TENT5D: variants seen among roughly 807,000 people sequenced by gnomAD.
The protein encoded by TENT5D is terminal nucleotidyltransferase 5D.
For synonymous variants in TENT5D, 103 were observed against 100.6 expected (o/e 1.02, Z -0.15); for missense variants, 191 against 287.0 (o/e 0.67, Z 2.42).
intron 2 of TENT5D, among the ~76,000 whole-genome samples, chrX:80,440,903 G>T (rs1394344206): frequency 2.7e-5 from 3 of 111,282 alleles, no homozygotes; most frequent in Non-Finnish European, 5.7e-5. Flanking sequence ...ATAACAAACT[G>T]TTAGCTTCTA....
intron 1 of TENT5D, among the ~76,000 whole-genome samples, chrX:80,425,541 G>A (rs1195992338): frequency 1.8e-5 from 2 of 112,127 alleles, no homozygotes; most frequent in Non-Finnish European, 3.8e-5. Context: ...ATTTTTTGAA[G>A]AGGATTAAAA....
intron 3 of TENT5D, among the ~76,000 whole-genome samples, chrX:80,360,722 A>T (rs1289839498): frequency 8.9e-6 from 1 of 111,850 alleles, no homozygotes; most frequent in Non-Finnish European, 1.9e-5. Flanking sequence ...GATTCTCTGG[A>T]TATTTGGGAT....
At chrX:80,427,500 T>C (rs1932008626) in intron 1 of TENT5D, among the ~76,000 whole-genome samples, 1 of 112,526 alleles carries the variant, frequency 8.9e-6, no homozygotes, top group Admixed American at 9.5e-5. Context: ...TAAAGTCACA[T>C]GAACTGAAAG....
At chrX:80,368,522 C>T (rs980312346) in intron 3 of TENT5D, among the ~76,000 whole-genome samples, 4 of 111,408 alleles carry the variant, frequency 3.6e-5, no homozygotes, top group African/African-American at 9.8e-5. Flanking sequence ...TCATAGTGCC[C>T]GGTGCCTCGT....
At chrX:80,344,565 A>G (rs1276602049) in intron 3 of TENT5D, among the ~76,000 whole-genome samples, 1 of 109,410 alleles carries the variant, frequency 9.1e-6, no homozygotes, top group Non-Finnish European at 1.9e-5. Context: ...GAAGATGAGC[A>G]TTTTTTTCTT....
chrX:80,403,009 A>G (rs1312397603), intron 3 of TENT5D, among the ~76,000 whole-genome samples: 1 of 111,763 alleles, frequency 8.9e-6, no homozygotes. Flanking sequence ...TTGCATTGCA[A>G]TCTGTCTCTC....
intron 1 of TENT5D, among the ~76,000 whole-genome samples, chrX:80,422,388 G>A (rs1016898531): frequency 9.8e-5 from 11 of 111,927 alleles, no homozygotes; most frequent in Non-Finnish European, 1.7e-4. Context: ...CAGGAGAATC[G>A]CTTGAACCTG....
rs926914644 is a variant in TENT5D, at chrX:80,392,443, T to A, written c.-141-46167T>A. Among the ~76,000 whole-genome samples the A allele has an allele frequency of 4.6e-5, 5 of 107,813 alleles. No individual in the cohort carries two copies. In the South Asian group the frequency reaches 2.0e-3, roughly 44 times the overall value. The allele number at this position is 107,813 out of a possible 115,157, so 93.6% of individuals were successfully genotyped here. A position where few individuals can be genotyped will look rare whatever the true frequency, so the allele number is the denominator to read the frequency against. ...ATTCTTAATGGGCCAATTTCTGTGATCTTACTTGGTTTCAAATTTTTAATA... is the reference window on the plus strand; with the variant it reads ...ATTCTTAATGGGCCAATTTCTGTGAACTTACTTGGTTTCAAATTTTTAATA... On this transcript the variant is annotated intron_variant, in intron 3 of 4. Coordinates refer to the TENT5D transcript ENST00000538312.
chrX:80,343,337 G>A (rs1929996352), intron 3 of TENT5D, among the ~76,000 whole-genome samples: 1 of 109,151 alleles, frequency 9.2e-6, no homozygotes, highest in Non-Finnish European at 1.9e-5. Context: ...TAATATGTGT[G>A]CCTTATTTCT....
chrX:80,416,642 G>A (rs1156279918), upstream of TENT5D, among the ~76,000 whole-genome samples: 1 of 110,562 alleles, frequency 9.0e-6, no homozygotes, highest in Non-Finnish European at 1.9e-5. Flanking sequence ...GGTGGGGGGT[G>A]CTGTGGTCTG....
upstream of TENT5D, among the ~76,000 whole-genome samples, chrX:80,416,872 A>G (rs749036546): frequency 1.6e-4 from 18 of 111,042 alleles, no homozygotes; most frequent in Non-Finnish European, 3.2e-4. Context: ...TTCTGCCTCA[A>G]TGATTTTTCT....
intron 2 of TENT5D, 90 bp downstream of exon 2, chrX:80,438,822 C>T (rs1932230415): frequency 9.1e-6 from 1 of 110,384 alleles, no homozygotes. Flanking sequence ...CTTATGTTTC[C>T]CATCGTCAAA....
At chrX:80,353,688 T>C (rs1404965590) in intron 3 of TENT5D, among the ~76,000 whole-genome samples, 1 of 112,342 alleles carries the variant, frequency 8.9e-6, no homozygotes, top group Non-Finnish European at 1.9e-5. Context: ...CTGATGGTCA[T>C]TGAGTTTGAT....
In TENT5D at chrX:80,397,374, C is replaced by T. The variant is rs1204644236; in HGVS notation, c.-141-41236C>T. ...GCTCCTCACTTCCTAGATGGGATGG[C>T]GGCCGGGAAGAGGCGCTCCTCACTT... On this transcript the variant is annotated intron_variant, in intron 3 of 4. Coordinates refer to the TENT5D transcript ENST00000538312. 2.3e-4 allele frequency among the ~76,000 whole-genome samples: 25 copies of T among 107,511 alleles called. No homozygotes were observed. The East Asian group carries it at 4.2e-3, about 18-fold the overall frequency. The allele number at this position is 107,511 out of a possible 115,157, so 93.4% of individuals were successfully genotyped here.
intron 3 of TENT5D, among the ~76,000 whole-genome samples, chrX:80,345,038 A>G (rs190286852): frequency 9.0e-6 from 1 of 111,167 alleles, no homozygotes; most frequent in East Asian, 2.8e-4. Flanking sequence ...AAACAGAATT[A>G]CTCTCAATAA....
chrX:80,440,343 A>T (rs1265744584), intron 2 of TENT5D, among the ~76,000 whole-genome samples: 1 of 110,978 alleles, frequency 9.0e-6, no homozygotes, highest in Non-Finnish European at 1.9e-5. Flanking sequence ...CTGTTTGGTA[A>T]ACAAAATCCT....
At chrX:80,404,434 G>A (rs904554925) in intron 3 of TENT5D, among the ~76,000 whole-genome samples, 1 of 111,686 alleles carries the variant, frequency 9.0e-6, no homozygotes, top group Admixed American at 9.5e-5. Context: ...TTTGTATTAA[G>A]GAGTGTGTTA....
intron 3 of TENT5D, among the ~76,000 whole-genome samples, chrX:80,411,854 T>C (rs1051197646): frequency 2.7e-5 from 3 of 111,986 alleles, no homozygotes; most frequent in Non-Finnish European, 3.8e-5. Flanking sequence ...TCGAGGCACA[T>C]GGTGCAAACT....
At chrX:80,428,200 T>C (rs1303339663) in intron 1 of TENT5D, among the ~76,000 whole-genome samples, 1 of 112,091 alleles carries the variant, frequency 8.9e-6, no homozygotes, top group Non-Finnish European at 1.9e-5. Context: ...GACGGGGAGT[T>C]TTTTAGGTGG....
Sources: gnomAD v4.1 joint callset for allele counts (sites outside exome capture counted in the v4.1 genomes callset) on GRCh38, gnomAD v4.1.1 for gene constraint, MANE v1.5 for transcripts, NCBI Gene and HGNC (gene_info 2026-07-23, HGNC 2026-07-21) for gene names.